Variants in VIL1 observed in about 807,000 individuals in gnomAD.
The protein encoded by VIL1 is villin 1.
VIL1 carries 86 observed loss-of-function variants against 104.0 expected under a neutral mutation model. The observed-to-expected ratio is 0.83, with a 90% CI of 0.69 to 0.99. VIL1 has a LOEUF of 0.99. VIL1 is among the 50% of genes least tolerant of loss of function. The probability of loss-of-function intolerance (pLI) is 0.00; values close to 1 mark genes in which losing one functional copy is unlikely to be tolerated. For missense variants in VIL1, 944 were observed against 1,054.1 expected (o/e 0.90, Z 1.45); for synonymous variants, 394 against 412.6 (o/e 0.95, Z 0.55).
At chr2:218,424,202 C>A in intron 2 of VIL1, 75 bp from the exon 3 acceptor site, 2 of 1,359,276 alleles carry the variant, frequency 1.5e-6, no homozygotes. Flanking sequence ...ACGCCTCCTC[C>A]CCTTGGGCCC....
At chr2:218,422,686 A>G (rs1688918731) in intron 1 of VIL1, among the ~76,000 whole-genome samples, 1 of 152,242 alleles carries the variant, frequency 6.6e-6, no homozygotes, top group African/African-American at 2.4e-5. Context: ...AGGAGAGATT[A>G]GATAGTGAGA....
intron 10 of VIL1, chr2:218,431,142 A>T (rs1410494228): frequency 1.8e-6 from 1 of 560,204 alleles, no homozygotes; most frequent in Non-Finnish European, 3.1e-6. Flanking sequence ...TGAGGTCAGG[A>T]GTTTGAGATT....
intron 19 of VIL1, among the ~76,000 whole-genome samples, chr2:218,447,873 G>A (rs1012771573): frequency 1.3e-5 from 2 of 152,084 alleles, no homozygotes; most frequent in South Asian, 2.1e-4. Context: ...GATTACAGGC[G>A]TGTGCCACCA....
chr2:218,435,265 T>C lies in VIL1; in HGVS notation c.1681-24T>C, dbSNP rs532399728. 2.5e-4 allele frequency: 397 copies of C among 1,609,286 alleles called. 5 individuals carry two copies. In the South Asian group the frequency reaches 4.1e-3, roughly 17 times the overall value. On this transcript the variant is annotated intron_variant, in intron 14 of 19. Transcript: ENST00000248444. ...GTGGAGGTAGGGGTGGCACTAGAAA[T>C]TAGCCAACTCTTTTTTTTCCTAGGG... is the stretch of plus-strand genomic sequence containing the variant.
chr2:218,430,005 G>A (rs1689068694), intron 9 of VIL1, 58 bp downstream of exon 9: 5 of 1,462,796 alleles, frequency 3.4e-6, no homozygotes, highest in African/African-American at 2.8e-5. Context: ...GAGGGAGAGA[G>A]CAGATAGCAG....
chr2:218,451,013 A>G lies in VIL1; in HGVS notation c.*1677A>G, dbSNP rs1689462510. Reference sequence around the variant, plus strand: ...AATGATTGTGGTTAAACACAGCAAAATAATTGTCACAAAACTTTCAAGGCC... The same window carrying G: ...AATGATTGTGGTTAAACACAGCAAAGTAATTGTCACAAAACTTTCAAGGCC... On this transcript the variant is annotated 3_prime_UTR_variant, in exon 20 of 20. Coordinates refer to ENST00000248444, the MANE Select transcript of VIL1 (RefSeq NM_007127.3). 6.6e-6 allele frequency: 1 copy of G among 152,218 alleles called. No homozygotes were observed. Among genetic ancestry groups the G allele is most frequent in the Admixed American group, 6.6e-5 (1 of 15,260 alleles). The allele number at this position is 152,218 out of a possible 1,614,324, so 9.4% of individuals were successfully genotyped here.
At chr2:218,421,498 G>A (rs1017611553) in intron 1 of VIL1, among the ~76,000 whole-genome samples, 3 of 152,164 alleles carry the variant, frequency 2.0e-5, no homozygotes, top group Non-Finnish European at 2.9e-5. Flanking sequence ...GGGAAGTGAC[G>A]GGCCCTGGTC....
intron 13 of VIL1, among the ~76,000 whole-genome samples, chr2:218,434,317 T>A (rs752460577): frequency 7.9e-5 from 12 of 152,152 alleles, no homozygotes; most frequent in Non-Finnish European, 1.3e-4. Context: ...GAGCTGGGCT[T>A]TAGGCTAGAA....
Position 218,430,780 on chromosome 2 carries a change from A to C in VIL1, c.1004A>C (p.Asp335Ala). 1 of 1,613,344 alleles carries C rather than the reference A, an allele frequency of 6.2e-7. No individual in the cohort carries two copies. ...PPSTQVEVQN[D>A]GAESAVFQQL... ...AGCACACAGGTGGAGGTGCAGAATG[A>C]TGGGGCTGAGTCGGCCGTCTTTCAG... The change falls in exon 10 of 20, where the codon GAT becomes GCT. Residue 335 changes from aspartate (D) to alanine (A), a missense_variant. Coordinates refer to ENST00000248444, the MANE Select transcript of VIL1 (RefSeq NM_007127.3).
In VIL1 at chr2:218,433,557, G is replaced by A. The variant is rs538724599; in HGVS notation, c.1500+606G>A. The stretch of plus-strand genomic sequence containing the variant: ...GTTCAAAATGAGGGCATGCAATGCA[G>A]GGGGCACAGCAAGGACAAGGGCCTG... On this transcript the variant is annotated intron_variant, in intron 13 of 19. Transcript: ENST00000248444. Among the ~76,000 whole-genome samples the A allele has an allele frequency of 2.0e-5, 3 of 152,108 alleles. No homozygotes were observed. In the East Asian group the frequency reaches 5.8e-4, roughly 30 times the overall value.
chr2:218,430,041 C>A, intron 9 of VIL1, 94 bp downstream of exon 9: 1 of 1,160,606 alleles, frequency 8.6e-7, no homozygotes, highest in Non-Finnish European at 1.3e-6. Context: ...CAGGCTCAGA[C>A]CAGGGCATAG....
intron 19 of VIL1, among the ~76,000 whole-genome samples, chr2:218,446,648 GGA>G (rs1342039813): frequency 1.3e-5 from 2 of 152,226 alleles, no homozygotes; most frequent in African/African-American, 4.8e-5. Context: ...TGCAGGTCTG[GGA>G]GTTGAAAGCT....
At chr2:218,422,533 G>A (rs1688912729) in intron 1 of VIL1, among the ~76,000 whole-genome samples, 1 of 152,202 alleles carries the variant, frequency 6.6e-6, no homozygotes, top group African/African-American at 2.4e-5. Context: ...AGTCGGAGCA[G>A]GCAATGATCA....
At chr2:218,440,250 G>C (rs562324182) in intron 18 of VIL1, among the ~76,000 whole-genome samples, 7 of 152,292 alleles carry the variant, frequency 4.6e-5, no homozygotes, top group African/African-American at 1.7e-4. Flanking sequence ...ACTTCGGTCA[G>C]AACAGACCAC....
In VIL1 at chr2:218,423,764, C is replaced by G; in HGVS notation, c.-11-4C>G. 11 of 1,614,086 alleles carry G rather than the reference C, an allele frequency of 6.8e-6. No individual in the cohort carries two copies. The highest frequency in any genetic ancestry group is 9.3e-6 in the Non-Finnish European group (11 of 1,179,980). On this transcript the variant is annotated splice_polypyrimidine_tract_variant and splice_region_variant and intron_variant, in intron 1 of 19. Coordinates refer to ENST00000248444, the MANE Select transcript of VIL1 (RefSeq NM_007127.3). ...GCCCCTGCTCCCAACGCCTTCTCCC[C>G]CAGGCTCACTCACCATGACCAAGCT... is the stretch of plus-strand genomic sequence containing the variant.
chr2:218,428,218 G>A lies in VIL1; in HGVS notation c.457-9G>A. The A allele has an allele frequency of 6.2e-7, 1 of 1,613,658 alleles. No homozygotes were observed. The highest frequency in any genetic ancestry group is 8.5e-7 in the Non-Finnish European group (1 of 1,179,618). ...GAGTGGGGTCTGTGCCTCCCCTGTG[G>A]CTCCCTAGGTAGAGATGTCCTGGAA... On this transcript the variant is annotated splice_polypyrimidine_tract_variant and intron_variant, in intron 5 of 19. Coordinates refer to ENST00000248444, the MANE Select transcript of VIL1 (RefSeq NM_007127.3).
At chr2:218,438,578 T>C in intron 17 of VIL1, 80 bp from the exon 18 acceptor site, 21 of 1,392,510 alleles carry the variant, frequency 1.5e-5, no homozygotes, top group Non-Finnish European at 2.0e-5. Flanking sequence ...AGCCTTCTTT[T>C]CATTCCTGAG....
At chr2:218,427,706 G>A (rs200256290) in intron 4 of VIL1, among the ~76,000 whole-genome samples, 5 of 152,258 alleles carry the variant, frequency 3.3e-5, no homozygotes, top group South Asian at 2.1e-4. Flanking sequence ...AGGGCAAGAC[G>A]AGTGAAGATC....
chr2:218,425,882 G>A (rs1688972652), intron 4 of VIL1, 71 bp downstream of exon 4: 4 of 1,493,616 alleles, frequency 2.7e-6, no homozygotes, highest in Admixed American at 4.0e-5. Flanking sequence ...GGGCTGAGCT[G>A]AAGAGGCAGG....
Sources: allele counts gnomAD v4.1 joint callset (sites outside exome capture counted in the v4.1 genomes callset), GRCh38; gene constraint gnomAD v4.1.1; transcripts MANE v1.5; gene names NCBI Gene and HGNC (gene_info 2026-07-23, HGNC 2026-07-21).